The following LRMDA variants were observed in gnomAD, a reference collection of about 807,000 sequenced individuals.
LRMDA encodes the protein leucine-rich melanocyte differentiation-associated protein.
Under a neutral mutation model 29.8 loss-of-function variants are expected in LRMDA, and 18 were observed. That is an observed-to-expected ratio of 0.60 (90% CI 0.42 to 0.90). The LOEUF (loss-of-function observed/expected upper bound fraction) is 0.90. Ranked by LOEUF, LRMDA falls within the 40% of genes least tolerant of loss-of-function variation. The probability of loss-of-function intolerance (pLI) is 0.00; values close to 1 mark genes in which losing one functional copy is unlikely to be tolerated. For synonymous variants in LRMDA, 125 were observed against 109.4 expected (o/e 1.14, Z -0.89); for missense variants, 273 against 273.9 (o/e 1.00, Z 0.02).
intron 2 of LRMDA, among the ~76,000 whole-genome samples, chr10:75,766,210 T>G (rs1843163300): frequency 6.6e-6 from 1 of 152,192 alleles, no homozygotes; most frequent in African/African-American, 2.4e-5. Context: ...GGAAGTGATT[T>G]TATCTTATTC....
chr10:76,440,366 G>A (rs796276073), intron 6 of LRMDA, among the ~76,000 whole-genome samples: 1 of 152,298 alleles, frequency 6.6e-6, no homozygotes, highest in East Asian at 1.9e-4. Flanking sequence ...CATAGTCATG[G>A]TTCAGGGTGG....
intron 2 of LRMDA, among the ~76,000 whole-genome samples, chr10:75,555,976 A>G (rs1325869808): frequency 1.3e-5 from 2 of 152,232 alleles, no homozygotes; most frequent in Non-Finnish European, 2.9e-5. Context: ...CGCAAGAGTC[A>G]GATTAATGAA....
At chr10:75,562,822 GA>G (rs1168240353) in intron 2 of LRMDA, among the ~76,000 whole-genome samples, 2 of 152,104 alleles carry the variant, frequency 1.3e-5, no homozygotes, top group Non-Finnish European at 2.9e-5. Context: ...ATTCTGGATT[GA>G]AAATTCTTTT....
intron 2 of LRMDA, among the ~76,000 whole-genome samples, chr10:75,628,639 C>A (rs1172789009): frequency 6.6e-6 from 1 of 152,242 alleles, no homozygotes; most frequent in Non-Finnish European, 1.5e-5. Flanking sequence ...CAGCTTGGTT[C>A]TGCTTGCTGA....
chr10:75,899,821 C>G (rs183089126), intron 2 of LRMDA, among the ~76,000 whole-genome samples: 1 of 152,182 alleles, frequency 6.6e-6, no homozygotes. Flanking sequence ...ACCTTCCTCT[C>G]CAATGTGTTC....
chr10:75,909,732 A>G (rs534628245), intron 2 of LRMDA, among the ~76,000 whole-genome samples: 4 of 152,342 alleles, frequency 2.6e-5, no homozygotes, highest in African/African-American at 9.6e-5. Context: ...ATATCCTAGA[A>G]TGATTATGAG....
At chr10:76,128,467 A>G (rs748610858) in intron 5 of LRMDA, among the ~76,000 whole-genome samples, 22 of 152,356 alleles carry the variant, frequency 1.4e-4, no homozygotes, top group Non-Finnish European at 2.1e-4. Context: ...ACTCTTGTCA[A>G]CAAAGAGAGC....
chr10:76,281,991 T>A (rs1840212474), intron 5 of LRMDA, among the ~76,000 whole-genome samples: 3 of 152,188 alleles, frequency 2.0e-5, no homozygotes, highest in Admixed American at 6.5e-5. Context: ...GGGGACAGAT[T>A]TGCATTTTTT....
intron 2 of LRMDA, among the ~76,000 whole-genome samples, chr10:75,880,625 TC>T (rs1015972947): frequency 6.6e-6 from 1 of 152,204 alleles, no homozygotes; most frequent in Non-Finnish European, 1.5e-5. Context: ...GTACACACTT[TC>T]ACTGGGGATT....
chr10:75,542,235 G>A (rs924084707), intron 2 of LRMDA, among the ~76,000 whole-genome samples: 5 of 152,106 alleles, frequency 3.3e-5, no homozygotes, highest in South Asian at 4.1e-4. Flanking sequence ...AACTCATTGA[G>A]GGGGTTAGAG....
At chr10:75,667,368 G>A (rs146210859) in intron 2 of LRMDA, among the ~76,000 whole-genome samples, 2,683 of 152,266 alleles carry the variant, frequency 0.018, 103 homozygotes, top group East Asian at 0.14. Flanking sequence ...GCAGTGGCAC[G>A]ATCATGACTC....
At chr10:75,925,670 T>TG (rs1846109082) in intron 2 of LRMDA, among the ~76,000 whole-genome samples, 1 of 30,434 alleles carries the variant, frequency 3.3e-5, no homozygotes, top group Admixed American at 3.5e-4. Context: ...ATTTTCTTTT[T>TG]CTTTTTTTTT....
chr10:75,958,569 A>C (rs1328095685), intron 2 of LRMDA, among the ~76,000 whole-genome samples: 2 of 152,086 alleles, frequency 1.3e-5, no homozygotes, highest in African/African-American at 4.8e-5. Flanking sequence ...CAGGTTGAAA[A>C]AAAACCTGCC....
rs776285635 is a variant in LRMDA at position 76,557,245 on chromosome 10, A to G, written c.638A>G (p.Lys213Arg). ...AAGTGTCGCTACGTTTACTATGGGAAAAACTCAGAGGGCAACAGGTTTATC... is the reference window on the plus strand; with the variant it reads ...AAGTGTCGCTACGTTTACTATGGGAGAAACTCAGAGGGCAACAGGTTTATC... ...LGKCRYVYYG[K>R]NSEGNRFIRD... The change falls in exon 7 of 7, where the codon AAA becomes AGA. Residue 213 changes from lysine to arginine, a missense_variant. Coordinates refer to ENST00000611255, the MANE Select transcript of LRMDA (RefSeq NM_001305581.2). 3.7e-6 allele frequency: 6 copies of G among 1,614,172 alleles called. No homozygotes were observed. The South Asian group carries it at 6.6e-5, about 18-fold the overall frequency.
chr10:75,698,049 AC>A (rs1842260545), intron 2 of LRMDA, among the ~76,000 whole-genome samples: 1 of 152,162 alleles, frequency 6.6e-6, no homozygotes, highest in South Asian at 2.1e-4. Context: ...AAATGGGAAA[AC>A]TAAGTTATGG....
Position 76,363,337 on chromosome 10 carries a change from GA to G in LRMDA, c.601+38858del, listed in dbSNP as rs1036271646. On this transcript the variant is annotated intron_variant, in intron 6 of 6. Transcript: ENST00000611255. Reference sequence around the variant, plus strand: ...GAAGGAAAAAGAAAAGAAAAGAAAAGAAAAAAGAAGCATCCAGATTGGAAAG... The same window carrying G: ...GAAGGAAAAAGAAAAGAAAAGAAAAGAAAAAGAAGCATCCAGATTGGAAAG... Among the ~76,000 whole-genome samples, 96 of 151,630 alleles carry G rather than the reference GA, an allele frequency of 6.3e-4. 2 individuals carry two copies. The highest frequency in any genetic ancestry group is 1.3e-3 in the Non-Finnish European group (85 of 67,814).
intron 2 of LRMDA, among the ~76,000 whole-genome samples, chr10:75,865,441 A>G (rs972929239): frequency 1.3e-5 from 2 of 152,084 alleles, no homozygotes; most frequent in Non-Finnish European, 2.9e-5. Context: ...ATTAATCATG[A>G]CTCACTGGTT....
chr10:75,832,908 G>A (rs1844370994), intron 2 of LRMDA, among the ~76,000 whole-genome samples: 2 of 152,154 alleles, frequency 1.3e-5, no homozygotes, highest in South Asian at 2.1e-4. Context: ...CTCCCACTGG[G>A]CCCCTCCCAC....
chr10:75,873,483 G>GTTTTAAAATTAAAATTAA (rs1845146498), intron 2 of LRMDA, among the ~76,000 whole-genome samples: 1 of 152,198 alleles, frequency 6.6e-6, no homozygotes, highest in Non-Finnish European at 1.5e-5. Flanking sequence ...TGAAAAGTAT[G>GTTTTAAAATTAAAATTAA]AAGTCAATGT....
Sources: allele counts gnomAD v4.1 joint callset (sites outside exome capture counted in the v4.1 genomes callset), GRCh38; gene constraint gnomAD v4.1.1; transcripts MANE v1.5; gene names NCBI Gene and HGNC (gene_info 2026-07-23, HGNC 2026-07-21).